Variants in BNC2 observed in about 807,000 individuals in gnomAD.
BNC2 encodes the protein basonuclin zinc finger protein 2, also known as zinc finger protein basonuclin-2.
BNC2 carries 20 observed loss-of-function variants against 76.3 expected under a neutral mutation model. The observed-to-expected ratio is 0.26, with a 90% confidence interval of 0.18 to 0.38. BNC2 has a LOEUF of 0.38. BNC2 is among the 10% of genes least tolerant of loss of function. The pLI is 1.00. For synonymous variants in BNC2, 582 were observed against 514.8 expected, an observed-to-expected ratio of 1.13 and a Z score of -1.77; for missense variants, 1,382 against 1,399.8, an observed-to-expected ratio of 0.99 and a Z score of 0.20.
intron 1 of BNC2, among the ~76,000 whole-genome samples, chr9:16,747,851 G>A (rs540691354): frequency 8.0e-4 from 122 of 152,274 alleles, no homozygotes; most frequent in Non-Finnish European, 1.4e-3. Flanking sequence ...GCTCTGGGAA[G>A]GCTCTGTTTT....
chr9:16,705,629 C>G (rs1042173472), intron 3 of BNC2, among the ~76,000 whole-genome samples: 2 of 151,610 alleles, frequency 1.3e-5, no homozygotes, highest in Non-Finnish European at 2.9e-5. Flanking sequence ...ATGCTTTTTC[C>G]TCGAGTTGTA....
intron 5 of BNC2, among the ~76,000 whole-genome samples, chr9:16,514,688 T>C (rs1822837550): frequency 6.6e-6 from 1 of 152,212 alleles, no homozygotes; most frequent in African/African-American, 2.4e-5. Flanking sequence ...TTTTGAATTG[T>C]AATAATAACA....
chr9:16,700,157 G>C (rs927308113), intron 3 of BNC2, among the ~76,000 whole-genome samples: 2 of 152,050 alleles, frequency 1.3e-5, no homozygotes, highest in South Asian at 4.2e-4. Context: ...ACAGACTTCA[G>C]TTAGACATAA....
intron 4 of BNC2, among the ~76,000 whole-genome samples, chr9:16,566,731 T>C (rs939890791): frequency 1.3e-5 from 2 of 152,126 alleles, no homozygotes; most frequent in Non-Finnish European, 1.5e-5. Context: ...CTTATAGCTA[T>C]AGAAAAAGGT....
intron 3 of BNC2, chr9:16,699,327 T>C (rs1305184668): frequency 5.4e-6 from 2 of 369,872 alleles, no homozygotes; most frequent in Non-Finnish European, 1.1e-5. Context: ...AATGTATTAA[T>C]TCAATCAGTG....
At chr9:16,456,563 C>A (rs1395400329) in intron 5 of BNC2, among the ~76,000 whole-genome samples, 2 of 151,206 alleles carry the variant, frequency 1.3e-5, no homozygotes. Context: ...AGAGTCCTAC[C>A]AGGCCAAGAG....
intron 3 of BNC2, among the ~76,000 whole-genome samples, chr9:16,705,594 G>T (rs1265429263): frequency 6.6e-6 from 1 of 152,004 alleles, no homozygotes; most frequent in African/African-American, 2.4e-5. Flanking sequence ...TGCTACTATT[G>T]AAAGTCTTCT....
At chr9:16,552,405 G>C in intron 5 of BNC2, 125 bp downstream of exon 5, 1 of 807,562 alleles carries the variant, frequency 1.2e-6, no homozygotes, top group Non-Finnish European at 2.1e-6. Context: ...TGACAAGCCT[G>C]CTGAAACGAC....
chr9:16,774,629 T>TACAA (rs1196570818), intron 1 of BNC2, among the ~76,000 whole-genome samples: 1 of 152,200 alleles, frequency 6.6e-6, no homozygotes, highest in African/African-American at 2.4e-5. Context: ...ACTAAAAACA[T>TACAA]ACAAGCATTT....
intron 5 of BNC2, among the ~76,000 whole-genome samples, chr9:16,465,199 G>C (rs1821677851): frequency 6.6e-6 from 1 of 152,162 alleles, no homozygotes; most frequent in African/African-American, 2.4e-5. Context: ...ACTTTGAGAG[G>C]CTAAGGCAGG....
At chr9:16,460,969 C>A (rs1026401234) in intron 5 of BNC2, among the ~76,000 whole-genome samples, 2 of 151,406 alleles carry the variant, frequency 1.3e-5, no homozygotes, top group African/African-American at 4.9e-5. Flanking sequence ...TATGACTGTA[C>A]AACTTGATCT....
In BNC2 at chr9:16,437,335, C is replaced by T; in HGVS notation, c.859G>A (p.Glu287Lys). Residue 287 changes from glutamate to lysine, a missense_variant, in exon 6 of 7, where the codon GAG becomes AAG. Physicochemically the swap from Glu to Lys is moderately conservative, Grantham distance 56. This residue lies in a region of BNC2 where 557 missense variants were observed against 540.9 expected (regional missense o/e 1.03). Coordinates refer to ENST00000380672, the MANE Select transcript of BNC2 (RefSeq NM_017637.6). ...KTDSDIRTFIESNNRTRSPSL... is the reference protein window; with the variant it reads ...KTDSDIRTFIKSNNRTRSPSL... ...GGACTCCTGGTGCGATTATTGCTCT[C>T]AATGAAAGTCCTTATATCTGAGTCT... 1 of 1,614,142 alleles carries T rather than the reference C, an allele frequency of 6.2e-7. No individual in the cohort carries two copies. The highest frequency in any genetic ancestry group is 8.5e-7 in the Non-Finnish European group (1 of 1,180,012).
At chr9:16,810,728 T>A (rs981440839) in intron 1 of BNC2, among the ~76,000 whole-genome samples, 4 of 152,196 alleles carry the variant, frequency 2.6e-5, no homozygotes, top group African/African-American at 9.7e-5. Flanking sequence ...ATGTCAAAAA[T>A]GCTTAAAGCC....
At chr9:16,739,554 C>T (rs866559884) in intron 1 of BNC2, among the ~76,000 whole-genome samples, 18 of 152,034 alleles carry the variant, frequency 1.2e-4, no homozygotes, top group Admixed American at 2.6e-4. Context: ...TGCCTGTAGT[C>T]CCAGCTACTT....
Position 16,412,372 on chromosome 9 carries a change from C to T in BNC2, c.*6617G>A. 1 of 152,544 alleles carries T rather than the reference C, an allele frequency of 6.6e-6. No individual in the cohort carries two copies. Among genetic ancestry groups the T allele is most frequent in the East Asian group, 1.9e-4 (1 of 5,186 alleles). The allele number at this position is 152,544 out of a possible 1,614,324, so 9.4% of individuals were successfully genotyped here. A position where few individuals can be genotyped will look rare whatever the true frequency, so the allele number is the denominator to read the frequency against. Reference sequence around the variant, plus strand: ...GTGCGTAACCAGTTTACAACATGTGCACTTTTTGAAGGGGAAGAAAAATAT... The same window carrying T: ...GTGCGTAACCAGTTTACAACATGTGTACTTTTTGAAGGGGAAGAAAAATAT... On this transcript the variant is annotated 3_prime_UTR_variant, in exon 7 of 7. Coordinates refer to ENST00000380672, the MANE Select transcript of BNC2 (RefSeq NM_017637.6).
At chr9:16,647,542 T>C (rs7034582) in intron 3 of BNC2, among the ~76,000 whole-genome samples, 58,070 of 151,868 alleles carry the variant, frequency 0.38, 11,356 homozygotes, top group East Asian at 0.53. Context: ...CAATCATTTT[T>C]CCCCTAGGGT....
At chr9:16,826,987 A>C (rs907043086) in intron 1 of BNC2, among the ~76,000 whole-genome samples, 3 of 152,220 alleles carry the variant, frequency 2.0e-5, no homozygotes, top group African/African-American at 7.2e-5. Flanking sequence ...AGGTTAATGT[A>C]TGTAACTTTT....
chr9:16,826,618 T>C (rs1217394244), intron 1 of BNC2, among the ~76,000 whole-genome samples: 1 of 152,196 alleles, frequency 6.6e-6, no homozygotes, highest in Non-Finnish European at 1.5e-5. Context: ...TTTTTACTTT[T>C]GGCAGAAAAA....
chr9:16,561,801 C>T (rs953059897), intron 4 of BNC2, among the ~76,000 whole-genome samples: 2 of 151,960 alleles, frequency 1.3e-5, no homozygotes, highest in South Asian at 2.1e-4. Context: ...CCTAGGAGTT[C>T]GACACCAGCC....
Sources: gnomAD v4.1 joint callset for allele counts (sites outside exome capture counted in the v4.1 genomes callset) on GRCh38, gnomAD v4.1.1 for gene constraint, gnomAD v4.1.1 regional missense constraint, MANE v1.5 for transcripts, NCBI Gene and HGNC (gene_info 2026-07-23, HGNC 2026-07-21) for gene names.